The following ATP10B variants were observed in gnomAD, a reference collection of about 807,000 sequenced individuals.
ATP10B encodes ATPase phospholipid transporting 10B (putative), also known as phospholipid-transporting ATPase VB.
A neutral mutation model predicts 141.2 loss-of-function variants in ATP10B; 122 were observed. The observed-to-expected ratio is 0.86, with a 90% CI of 0.75 to 1.00. ATP10B has a LOEUF of 1.00. Ranked by LOEUF, ATP10B falls within the 50% of genes least tolerant of loss-of-function variation. ATP10B has a pLI of 0.00. For synonymous variants in ATP10B, 685 were observed against 692.0 expected (o/e 0.99, Z 0.16); for missense variants, 1,876 against 1,825.3 (o/e 1.03, Z -0.51).
At chr5:160,798,474 A>C (rs1204187514) in intron 1 of ATP10B, among the ~76,000 whole-genome samples, 1 of 152,156 alleles carries the variant, frequency 6.6e-6, no homozygotes, top group African/African-American at 2.4e-5. Context: ...AGGCCCCATG[A>C]AGACAGAGGT....
chr5:160,617,506 A>AT (rs1349536113), intron 16 of ATP10B, among the ~76,000 whole-genome samples: 6 of 152,222 alleles, frequency 3.9e-5, no homozygotes, highest in Non-Finnish European at 8.8e-5. Flanking sequence ...GGAAATCTAG[A>AT]TTTTTATGTG....
At chr5:160,836,355 C>T (rs1179511919) in intron 1 of ATP10B, among the ~76,000 whole-genome samples, 2 of 151,968 alleles carry the variant, frequency 1.3e-5, no homozygotes, top group Admixed American at 6.6e-5. Context: ...TCCACAGATG[C>T]TTGAATGTGG....
intron 1 of ATP10B, among the ~76,000 whole-genome samples, chr5:160,845,107 G>A (rs1455907325): frequency 6.6e-6 from 1 of 152,140 alleles, no homozygotes; most frequent in Non-Finnish European, 1.5e-5. Flanking sequence ...AGCATCAAAA[G>A]AAATGTAGCA....
At chr5:160,821,905 C>G (rs936368748) in intron 1 of ATP10B, among the ~76,000 whole-genome samples, 23 of 152,056 alleles carry the variant, frequency 1.5e-4, no homozygotes, top group African/African-American at 4.1e-4. Context: ...AACTATGAAA[C>G]TACTGAAAGC....
chr5:160,870,758 C>T, the ATP10B span, among the ~76,000 whole-genome samples: 1 of 150,688 alleles, frequency 6.6e-6, no homozygotes, highest in East Asian at 2.0e-4. Context: ...ACACAAAAAA[C>T]AAAACAAAAA....
At chr5:160,795,511 G>C (rs1349679858) in intron 1 of ATP10B, among the ~76,000 whole-genome samples, 1 of 152,070 alleles carries the variant, frequency 6.6e-6, no homozygotes, top group Non-Finnish European at 1.5e-5. Flanking sequence ...ACAATGAATA[G>C]GGGTGAGAAT....
At chr5:160,835,398 T>C (rs1035619742) in intron 1 of ATP10B, among the ~76,000 whole-genome samples, 8 of 151,992 alleles carry the variant, frequency 5.3e-5, no homozygotes, top group African/African-American at 1.9e-4. Context: ...GAGTAGAAAA[T>C]GACAAGTAGA....
intron 2 of ATP10B, among the ~76,000 whole-genome samples, chr5:160,719,354 C>G (rs1346796020): frequency 6.6e-6 from 1 of 152,182 alleles, no homozygotes. Flanking sequence ...AAGCCGAGAT[C>G]GCGCCGTTGC....
chr5:160,619,897 T>C (rs1222841509), intron 15 of ATP10B, among the ~76,000 whole-genome samples: 4 of 152,226 alleles, frequency 2.6e-5, no homozygotes, highest in Non-Finnish European at 4.4e-5. Flanking sequence ...GAATTCAGGA[T>C]ACCTGGGTCT....
At chr5:160,652,808 AATATATT>A (rs1467077385) in intron 7 of ATP10B, among the ~76,000 whole-genome samples, 3 of 103,666 alleles carry the variant, frequency 2.9e-5, no homozygotes, top group Non-Finnish European at 3.5e-5. Context: ...TATATTATAT[AATATATT>A]ATATATTAAT....
At chr5:160,830,160 G>A (rs944024916) in intron 1 of ATP10B, among the ~76,000 whole-genome samples, 2 of 151,958 alleles carry the variant, frequency 1.3e-5, no homozygotes, top group African/African-American at 2.4e-5. Context: ...AGGGATGTTG[G>A]ATTTTATCAA....
intron 3 of ATP10B, among the ~76,000 whole-genome samples, chr5:160,694,965 T>C (rs1248247751): frequency 6.6e-6 from 1 of 152,240 alleles, no homozygotes; most frequent in Non-Finnish European, 1.5e-5. Flanking sequence ...TCATAAAATA[T>C]AATCAGCGTT....
In ATP10B at chr5:160,565,761, C is replaced by T. The variant is rs191416471; in HGVS notation, c.4078G>A (p.Glu1360Lys). 78 of 1,614,056 alleles carry T rather than the reference C, an allele frequency of 4.8e-5. No homozygotes were observed. The East Asian group carries it at 1.2e-3, about 25-fold the overall frequency. ...GGGTGGTGAGTTGGTCGAGCCACTT[C>T]GGGGACAGGGGCAGGCCTCTGTCTG... ...RSRQRPAPVP[E>K]VARPTHHPVS... Residue 1360 changes from glutamate to lysine, a missense_variant, in exon 26 of 26, where the codon GAA becomes AAA. Coordinates refer to ENST00000327245, the MANE Select transcript of ATP10B (RefSeq NM_025153.3).
intron 2 of ATP10B, among the ~76,000 whole-genome samples, chr5:160,755,814 C>CAAAAA (rs763385041): frequency 2.1e-5 from 1 of 48,158 alleles, no homozygotes; most frequent in African/African-American, 6.6e-5. Flanking sequence ...GACTCCGTCT[C>CAAAAA]AAAAAAAAAA....
chr5:160,880,270 T>C, the ATP10B span, among the ~76,000 whole-genome samples: 2 of 146,850 alleles, frequency 1.4e-5, no homozygotes, highest in African/African-American at 4.9e-5. Context: ...AATTATATAA[T>C]ATAAAAGAAA....
Position 160,565,333 on chromosome 5 carries a change from T to G in ATP10B, c.*120A>C. The G allele has an allele frequency of 1.9e-6, 2 of 1,053,644 alleles. No homozygotes were observed. The highest frequency in any genetic ancestry group is 2.8e-6 in the Non-Finnish European group (2 of 718,684). 65.3% of individuals were successfully genotyped at this position (1,053,644 alleles called of 1,614,324 possible). ...AGCACTTCCTCCATGGAAGTCAAGG[T>G]TGTTGAAGAAAAGAATAAGACTGGC... is the stretch of plus-strand genomic sequence containing the variant. On this transcript the variant is annotated 3_prime_UTR_variant, in exon 26 of 26. Coordinates refer to ENST00000327245, the MANE Select transcript of ATP10B (RefSeq NM_025153.3).
intron 3 of ATP10B, among the ~76,000 whole-genome samples, chr5:160,689,150 C>T (rs1277875248): frequency 2.0e-5 from 3 of 152,178 alleles, no homozygotes; most frequent in African/African-American, 7.2e-5. Flanking sequence ...TCAATAGATG[C>T]AGAAAAGGCC....
chr5:160,917,672 C>G, the ATP10B span, among the ~76,000 whole-genome samples: 1 of 152,106 alleles, frequency 6.6e-6, no homozygotes, highest in African/African-American at 2.4e-5. Flanking sequence ...AGGAAGATAA[C>G]AGATTTCACT....
At chr5:160,904,147 T>C in the ATP10B span, among the ~76,000 whole-genome samples, 2 of 152,100 alleles carry the variant, frequency 1.3e-5, no homozygotes, top group South Asian at 4.1e-4. Flanking sequence ...TTTTTTACTA[T>C]CACGAAGTTG....
Sources: allele counts gnomAD v4.1 joint callset (sites outside exome capture counted in the v4.1 genomes callset), GRCh38; gene constraint gnomAD v4.1.1; transcripts MANE v1.5; gene names NCBI Gene and HGNC (gene_info 2026-07-23, HGNC 2026-07-21).